SIGLEC1: variants seen among roughly 807,000 people sequenced by gnomAD.
SIGLEC1 encodes sialic acid binding Ig like lectin 1, also known as sialoadhesin.
SIGLEC1 carries 132 observed loss-of-function variants against 148.0 expected under a neutral mutation model. The ratio of observed to expected loss-of-function variants is 0.89; its 90% CI spans 0.77 to 1.03. SIGLEC1 has a LOEUF of 1.03. Among genes scored for constraint, SIGLEC1 ranks in the 50% least tolerant of loss-of-function variants. The pLI, the probability that SIGLEC1 is intolerant of heterozygous loss-of-function variation, is 0.00. For missense variants in SIGLEC1, 2,253 were observed against 2,271.4 expected (o/e 0.99, Z 0.16); for synonymous variants, 945 against 969.0 (o/e 0.98, Z 0.46).
chr20:3,707,979 C>A (rs2087907770), intron 1 of SIGLEC1, among the ~76,000 whole-genome samples: 1 of 152,244 alleles, frequency 6.6e-6, no homozygotes, highest in African/African-American at 2.4e-5. Context: ...ATTTTCCTTG[C>A]CTTGTTTTTT....
At chr20:3,695,131 C>T (rs1257810187) in intron 11 of SIGLEC1, among the ~76,000 whole-genome samples, 1 of 152,206 alleles carries the variant, frequency 6.6e-6, no homozygotes, top group Non-Finnish European at 1.5e-5. Flanking sequence ...CTGGCATTTA[C>T]CTCCCACCAC....
chr20:3,696,129 T>TATACACACACACACAC (rs11087599), intron 11 of SIGLEC1, among the ~76,000 whole-genome samples: 69 of 142,510 alleles, frequency 4.8e-4, no homozygotes, highest in African/African-American at 1.6e-3. Flanking sequence ...ACTATATATA[T>TATACACACACACACAC]ACACACACAC....
chr20:3,688,970 A>C, intron 21 of SIGLEC1, 185 bp downstream of exon 21: 1 of 629,802 alleles, frequency 1.6e-6, no homozygotes. Context: ...TGACACAGGG[A>C]TTCCCTCTGC....
In SIGLEC1 at chr20:3,694,670, G is replaced by A. The variant is rs373593561; in HGVS notation, c.2937C>T (p.His979=). ...TTSLAAPISL[H]VSYAPRHVTL... ...TGGGACAAAAGTCCTTACAGGACAC[G>A]TGGAGGCTGATGGGTGCAGCTAGGC... Residue 979 remains histidine (H), a synonymous_variant, in exon 12 of 22, where the codon CAC becomes CAT. Coordinates refer to ENST00000344754, the MANE Select transcript of SIGLEC1 (RefSeq NM_023068.4). 47 of 1,612,778 alleles carry A rather than the reference G, an allele frequency of 2.9e-5. No individual in the cohort carries two copies. Among genetic ancestry groups the A allele is most frequent in the South Asian group, 9.9e-5 (9 of 90,972 alleles).
chr20:3,698,799 G>A lies in SIGLEC1; in HGVS notation c.1786+403C>T, dbSNP rs1347482617. ...CTTACACGGAGCCTCCCCGCTTGGC[G>A]GATGCAGAGGGGCTGTCTGTCCCTG... On this transcript the variant is annotated intron_variant, in intron 8 of 21. Transcript: ENST00000344754. Among the ~76,000 whole-genome samples the A allele has an allele frequency of 3.9e-5, 6 of 152,220 alleles. No individual in the cohort carries two copies. The East Asian group carries it at 5.8e-4, about 15-fold the overall frequency.
At chr20:3,704,160 G>GC in intron 4 of SIGLEC1, 69 bp from the exon 5 acceptor site, 3 of 1,453,312 alleles carry the variant, frequency 2.1e-6, no homozygotes, top group South Asian at 1.2e-5. Context: ...ACTTCTTCTT[G>GC]CCCCCCTTTA....
intron 1 of SIGLEC1, among the ~76,000 whole-genome samples, chr20:3,707,859 A>T (rs1366014419): frequency 6.6e-6 from 1 of 152,226 alleles, no homozygotes; most frequent in Non-Finnish European, 1.5e-5. Flanking sequence ...TCCACCACAG[A>T]TAATCTTTGC....
rs769525788 is a variant in SIGLEC1, at chr20:3,705,901, A to G, written c.549T>C (p.Ser183=). Residue 183 remains serine (S), a synonymous_variant, in exon 4 of 22, where the codon TCT becomes TCC. Coordinates refer to ENST00000344754, the MANE Select transcript of SIGLEC1 (RefSeq NM_023068.4). ...LQWQGQDPAR[S]VTFNSQKFEP... ...CAAACTTCTGGCTGTTGAAGGTGAC[A>G]GAGCGAGCAGGGTCCTGGCCTTGCC... 6.2e-7 allele frequency: 1 copy of G among 1,614,200 alleles called. No homozygotes were observed. Among genetic ancestry groups the G allele is most frequent in the South Asian group, 1.1e-5 (1 of 91,088 alleles).
rs61734522 is a variant in SIGLEC1 at position 3,693,662 on chromosome 20, C to T, written c.3293G>A (p.Arg1098Gln). The T allele has an allele frequency of 8.6e-3, 13,746 of 1,605,986 alleles. 116 individuals carry two copies. Among genetic ancestry groups the T allele is most frequent in the Non-Finnish European group, 8.5e-3 (10,029 of 1,176,000 alleles). The change falls in exon 14 of 22, where the codon CGG becomes CAG. Residue 1098 changes from arginine to glutamine, a missense_variant. By Grantham distance (43) the Arg-to-Gln change is conservative. Transcript: ENST00000344754. ...NVQVWPGATV[R>Q]EGQLVNLTCL... ...GGTCAGGTTCACCAGCTGCCCCTCC[C>T]GCACGGTAGCCCCGGGCCACACCTG...
At chr20:3,703,685 G>A (rs1464324579) in intron 5 of SIGLEC1, 140 bp downstream of exon 5, 3 of 1,222,656 alleles carry the variant, frequency 2.5e-6, no homozygotes, top group African/African-American at 1.5e-5. Context: ...GGTAAGGCAG[G>A]GCTGGGACTC....
In SIGLEC1 at chr20:3,701,450, G is replaced by C; in HGVS notation, c.1420C>G (p.Leu474Val). ...RFSGTSGPNS[L>V]RLEIRDLEET... ...TCCAGGTCTCGGATCTCCAGGCGCAGGGAGTTGGGACCAGAGGTACCACTG... is the reference window on the plus strand; with the variant it reads ...TCCAGGTCTCGGATCTCCAGGCGCACGGAGTTGGGACCAGAGGTACCACTG... The change falls in exon 7 of 22, where the codon CTG (leucine) becomes GTG (valine). Residue 474 changes from leucine (L) to valine (V), a missense_variant. By Grantham distance (32) the Leu-to-Val change is conservative (BLOSUM62 1). Transcript: ENST00000344754. 2 of 1,614,162 alleles carry C rather than the reference G, an allele frequency of 1.2e-6. No homozygotes were observed. Among genetic ancestry groups the C allele is most frequent in the East Asian group, 2.2e-5 (1 of 44,894 alleles).
chr20:3,703,288 C>G lies in SIGLEC1; in HGVS notation c.1137G>C (p.Leu379Phe). 6.2e-7 allele frequency: 1 copy of G among 1,614,186 alleles called. No homozygotes were observed. The highest frequency in any genetic ancestry group is 8.5e-7 in the Non-Finnish European group (1 of 1,180,034). Residue 379 changes from leucine (L) to phenylalanine (F), a missense_variant, in exon 6 of 22, where the codon TTG becomes TTC. Coordinates refer to ENST00000344754, the MANE Select transcript of SIGLEC1 (RefSeq NM_023068.4). ...AGAAGCCAGTATCAGCCCTAGTGGC[C>G]AAGTGCAGCCGGAGGGTATGGGAGT... Reference protein sequence around the residue: ...DAHSHTLRLHLATRADTGFYF... With the variant: ...DAHSHTLRLHFATRADTGFYF...
At chr20:3,700,396 G>A (rs1056694492) in intron 7 of SIGLEC1, among the ~76,000 whole-genome samples, 17 of 151,926 alleles carry the variant, frequency 1.1e-4, no homozygotes, top group African/African-American at 4.1e-4. Flanking sequence ...GGAATTACAG[G>A]CATGAGCCAC....
chr20:3,703,614 C>A (rs58374956), intron 5 of SIGLEC1, among the ~76,000 whole-genome samples, 163 bp from the exon 6 acceptor site: 2,599 of 152,296 alleles, frequency 0.017, 92 homozygotes, highest in African/African-American at 0.058. Context: ...ATCTCTTTGT[C>A]CTGCTCACCA....
At position 3,698,090 on chromosome 20, in the gene SIGLEC1, A is replaced by G; in HGVS notation, c.1830T>C (p.Asp610=). Residue 610 remains aspartate (D), a synonymous_variant, in exon 9 of 22, where the codon GAT becomes GAC. Coordinates refer to ENST00000344754, the MANE Select transcript of SIGLEC1 (RefSeq NM_023068.4). ...QPTFTTRLDL[D]AAGAGAGRRG... ...GCCGTCCAGCCCCGGCCCCAGCGGC[A>G]TCAAGGTCCAGCCTGGTGGTGAATG... 1 of 1,607,888 alleles carries G rather than the reference A, an allele frequency of 6.2e-7. No homozygotes were observed. The highest frequency in any genetic ancestry group is 1.1e-5 in the South Asian group (1 of 90,490).
chr20:3,692,617 G>A lies in SIGLEC1; in HGVS notation c.3934C>T (p.Leu1312=), dbSNP rs2088775960. The change falls in exon 16 of 22, where the codon CTG becomes TTG. Residue 1312 remains leucine, a synonymous_variant. Coordinates refer to ENST00000344754, the MANE Select transcript of SIGLEC1 (RefSeq NM_023068.4). The part of the protein sequence containing the change: ...QEGPAASLSF[L]VATRAHAGAY... ...CCTGCATGAGCCCGCGTGGCCACCA[G>A]GAATGAGAGTGAGGCAGCTGGACCC... The A allele has an allele frequency of 6.2e-7, 1 of 1,612,844 alleles. No homozygotes were observed. Among genetic ancestry groups the A allele is most frequent in the Non-Finnish European group, 8.5e-7 (1 of 1,180,026 alleles).
chr20:3,699,686 A>T (rs1198563360), intron 7 of SIGLEC1, among the ~76,000 whole-genome samples: 1 of 152,086 alleles, frequency 6.6e-6, no homozygotes, highest in Non-Finnish European at 1.5e-5. Context: ...TATGTCCAAC[A>T]CCTGGCTTGG....
chr20:3,709,209 A>C (rs780247763), intron 1 of SIGLEC1, among the ~76,000 whole-genome samples: 35 of 152,200 alleles, frequency 2.3e-4, no homozygotes, highest in Admixed American at 4.6e-4. Context: ...GAACAACAAC[A>C]ACCACCAAAA....
intron 11 of SIGLEC1, among the ~76,000 whole-genome samples, 174 bp downstream of exon 11, chr20:3,696,412 G>C (rs1002224562): frequency 3.3e-5 from 5 of 151,046 alleles, no homozygotes; most frequent in African/African-American, 1.2e-4. Context: ...GTTATTACAG[G>C]TGAAAATATC....
Sources: gnomAD v4.1 joint callset for allele counts (sites outside exome capture counted in the v4.1 genomes callset) on GRCh38, gnomAD v4.1.1 for gene constraint, MANE v1.5 for transcripts, NCBI Gene and HGNC (gene_info 2026-07-23, HGNC 2026-07-21) for gene names.